Variants in POLB observed in about 807,000 individuals in gnomAD.
The protein encoded by POLB is 5'-dRP lyase.
A neutral mutation model predicts 52.7 loss-of-function variants in POLB; 37 were observed. That is an observed-to-expected ratio of 0.70 (90% CI 0.54 to 0.92). The LOEUF (loss-of-function observed/expected upper bound fraction) is 0.92, where lower values mean the gene tolerates loss of function less well. POLB is among the 40% of genes least tolerant of loss of function. POLB has a pLI of 0.00. For missense variants in POLB, 313 were observed against 400.8 expected (o/e 0.78, Z 1.87); for synonymous variants, 138 against 131.3 (o/e 1.05, Z -0.35).
chr8:42,349,477 C>T (rs1822834321), intron 4 of POLB, among the ~76,000 whole-genome samples: 1 of 152,196 alleles, frequency 6.6e-6, no homozygotes. Context: ...CAAGCTCCGC[C>T]TCCTGGGTTC....
intron 9 of POLB, 59 bp downstream of exon 9, chr8:42,357,451 T>C: frequency 1.1e-6 from 1 of 877,156 alleles, no homozygotes; most frequent in Non-Finnish European, 1.9e-6. Flanking sequence ...GCCTAATATA[T>C]GGGAAGAATT....
chr8:42,358,940 G>A (rs1407278163), intron 9 of POLB, among the ~76,000 whole-genome samples: 1 of 152,224 alleles, frequency 6.6e-6, no homozygotes, highest in Non-Finnish European at 1.5e-5. Flanking sequence ...GGTGGGAACT[G>A]GGATTCTGTA....
rs1321864407 is a variant in POLB at position 42,338,761 on chromosome 8, C to T, written c.61+76C>T. The T allele has an allele frequency of 2.1e-6, 3 of 1,402,976 alleles. No homozygotes were observed. In the East Asian group the frequency reaches 6.8e-5, roughly 32 times the overall value. 86.9% of individuals were successfully genotyped at this position (1,402,976 alleles called of 1,614,324 possible). Reference sequence around the variant, plus strand: ...TCCCCTGCCTTCCTTCTCTCCCACACCGACAGTCCAGTGGGTAGGGTAGGT... The same window carrying T: ...TCCCCTGCCTTCCTTCTCTCCCACATCGACAGTCCAGTGGGTAGGGTAGGT... On this transcript the variant is annotated intron_variant, in intron 1 of 13. Coordinates refer to ENST00000265421, the MANE Select transcript of POLB (RefSeq NM_002690.3).
At position 42,345,029 on chromosome 8, in the gene POLB, GT is replaced by G; in HGVS notation, c.186+12del. ...TGAAGCTAAGAAATTGGTAAGTTTA[GT>G]TAGCATGTTGATCGAAGAGTTCACA... On this transcript the variant is annotated intron_variant, in intron 3 of 13. Coordinates refer to ENST00000265421, the MANE Select transcript of POLB (RefSeq NM_002690.3). The G allele has an allele frequency of 6.3e-7, 1 of 1,589,674 alleles. No homozygotes were observed. The highest frequency in any genetic ancestry group is 8.6e-7 in the Non-Finnish European group (1 of 1,157,744).
intron 2 of POLB, 123 bp from the exon 3 acceptor site, chr8:42,344,827 AAAG>A (rs1231334061): frequency 1.5e-6 from 1 of 657,612 alleles, no homozygotes; most frequent in East Asian, 2.7e-5. Flanking sequence ...AAACAAAAAA[AAAG>A]AAAATTAGTT....
intron 13 of POLB, among the ~76,000 whole-genome samples, chr8:42,370,355 G>C: frequency 7.5e-6 from 1 of 133,976 alleles, no homozygotes; most frequent in Non-Finnish European, 1.6e-5. Context: ...CACATACTTT[G>C]CTTTTAGTGC....
Position 42,350,082 on chromosome 8 carries a change from AAGC to A in POLB, c.320+20_320+22del. The A allele has an allele frequency of 6.6e-7, 1 of 1,511,538 alleles. No homozygotes were observed. The highest frequency in any genetic ancestry group is 9.2e-7 in the Non-Finnish European group (1 of 1,086,490). 93.6% of individuals were successfully genotyped at this position (1,511,538 alleles called of 1,614,324 possible). On this transcript the variant is annotated intron_variant, in intron 5 of 13. Coordinates refer to ENST00000265421, the MANE Select transcript of POLB (RefSeq NM_002690.3). Reference sequence around the variant, plus strand: ...TGGCATTGGGTAAGAACTATTTTTTAAGCAGACACAATCGTCAGTTAGTTTATT... The same window carrying A: ...TGGCATTGGGTAAGAACTATTTTTTAAGACACAATCGTCAGTTAGTTTATT...
chr8:42,371,572 G>A lies in POLB; in HGVS notation c.923G>A (p.Gly308Glu). The A allele has an allele frequency of 6.2e-7, 1 of 1,603,588 alleles. No individual in the cohort carries two copies. Among genetic ancestry groups the A allele is most frequent in the Non-Finnish European group, 8.5e-7 (1 of 1,170,804 alleles). The stretch of plus-strand genomic sequence containing the variant: ...CTCTCTGTACTTGCAGGAGTTGCAG[G>A]AGAACCCCTGCCAGTGGATAGTGAA... The part of the protein sequence containing the change: ...IRPLGVTGVA[G>E]EPLPVDSEKD... Residue 308 changes from glycine (G) to glutamate (E), a missense_variant, in exon 14 of 14, where the codon GGA (glycine) becomes GAA (glutamate). Transcript: ENST00000265421.
intron 1 of POLB, 71 bp downstream of exon 1, chr8:42,338,756 C>T: frequency 2.8e-6 from 4 of 1,446,270 alleles, no homozygotes; most frequent in Non-Finnish European, 3.9e-6. Context: ...TCCTTCTCTC[C>T]CACACCGACA....
rs1824140792 is a variant in POLB, at chr8:42,367,904, A to T, written c.709-1367A>T. ...GTTTGGCCTTGGGTGATTTTCTGTG[A>T]AATATCTGCAGTAAGAATTCAAGGG... is the stretch of plus-strand genomic sequence containing the variant. On this transcript the variant is annotated intron_variant, in intron 11 of 13. Transcript: ENST00000265421. 2.0e-5 allele frequency among the ~76,000 whole-genome samples: 3 copies of T among 152,314 alleles called. 1 individual carries two copies. In the Middle Eastern group the frequency reaches 0.01, roughly 518 times the overall value.
chr8:42,359,957 T>C (rs1169067704), intron 9 of POLB, among the ~76,000 whole-genome samples: 3 of 150,464 alleles, frequency 2.0e-5, no homozygotes, highest in Non-Finnish European at 4.5e-5. Context: ...CTTTTTTTCT[T>C]TTTTTTTTGA....
chr8:42,355,456 G>A lies in POLB; in HGVS notation c.371-60G>A, dbSNP rs1823249810. The A allele has an allele frequency of 2.4e-5, 22 of 932,626 alleles. 1 individual carries two copies. In the South Asian group the frequency reaches 3.1e-4, roughly 13 times the overall value. 57.8% of individuals were successfully genotyped at this position (932,626 alleles called of 1,614,324 possible). ...TTTATAAAAAGGGTCATTGAGTTTA[G>A]CATTTTCCCCCCAAAAAGCATTTAA... On this transcript the variant is annotated intron_variant, in intron 6 of 13. Transcript: ENST00000265421.
chr8:42,340,472 T>C (rs558064393), intron 2 of POLB, among the ~76,000 whole-genome samples: 25 of 152,230 alleles, frequency 1.6e-4, no homozygotes, highest in Non-Finnish European at 3.4e-4. Flanking sequence ...CCCTAAGATA[T>C]CTTATTATGT....
chr8:42,343,492 A>C (rs1020085362), intron 2 of POLB, among the ~76,000 whole-genome samples: 1 of 135,630 alleles, frequency 7.4e-6, no homozygotes, highest in Non-Finnish European at 1.6e-5. Flanking sequence ...GCGCCACTGC[A>C]CTCCAGCCTG....
intron 5 of POLB, among the ~76,000 whole-genome samples, chr8:42,350,301 G>A (rs1423556014): frequency 1.3e-5 from 2 of 152,022 alleles, no homozygotes; most frequent in African/African-American, 4.8e-5. Context: ...TGGTTACCCA[G>A]GCAGAAAGAA....
At chr8:42,343,749 A>T (rs1224942231) in intron 2 of POLB, among the ~76,000 whole-genome samples, 1 of 152,092 alleles carries the variant, frequency 6.6e-6, no homozygotes, top group Non-Finnish European at 1.5e-5. Flanking sequence ...AAAACAAATC[A>T]CTTTGTTACT....
intron 13 of POLB, 59 bp from the exon 14 acceptor site, chr8:42,371,504 C>G: frequency 1.1e-6 from 1 of 941,000 alleles, no homozygotes; most frequent in Non-Finnish European, 1.7e-6. Context: ...ATCTTGAACC[C>G]TCTATAACTA....
chr8:42,340,808 G>A (rs1458930223), intron 2 of POLB, among the ~76,000 whole-genome samples: 1 of 152,164 alleles, frequency 6.6e-6, no homozygotes, highest in Non-Finnish European at 1.5e-5. Context: ...CCTTACTTCT[G>A]TGACTTCCTC....
chr8:42,343,345 A>AAAAAAAAAT (rs1554531633), intron 2 of POLB, among the ~76,000 whole-genome samples: 1 of 33,058 alleles, frequency 3.0e-5, no homozygotes, highest in Non-Finnish European at 8.5e-5. Context: ...AAAAAAAAAA[A>AAAAAAAAAT]ATATATATAT....
Sources: allele counts gnomAD v4.1 joint callset (sites outside exome capture counted in the v4.1 genomes callset), GRCh38; gene constraint gnomAD v4.1.1; transcripts MANE v1.5; gene names NCBI Gene and HGNC (gene_info 2026-07-23, HGNC 2026-07-21).